Variants in NCALD observed in about 807,000 individuals in gnomAD.
NCALD encodes the protein neurocalcin-delta.
Under a neutral mutation model 18.6 loss-of-function variants are expected in NCALD, and 10 were observed. The ratio of observed to expected loss-of-function variants is 0.54; its 90% CI spans 0.33 to 0.91. NCALD has a LOEUF of 0.91. Ranked by LOEUF, NCALD falls within the 40% of genes least tolerant of loss-of-function variation. The pLI is 0.03. For missense variants in NCALD, 184 were observed against 247.6 expected (o/e 0.74, Z 1.72); for synonymous variants, 88 against 87.4 (o/e 1.01, Z -0.04).
At chr8:101,888,905 G>T (rs1317661393) in intron 3 of NCALD, among the ~76,000 whole-genome samples, 1 of 152,156 alleles carries the variant, frequency 6.6e-6, no homozygotes, top group South Asian at 2.1e-4. Flanking sequence ...GGAAGACATT[G>T]CCAGTTGCCT....
intron 1 of NCALD, among the ~76,000 whole-genome samples, chr8:102,112,505 A>G (rs2132455858): frequency 6.6e-6 from 1 of 152,380 alleles, no homozygotes; most frequent in East Asian, 1.9e-4. Flanking sequence ...GTTATCAACT[A>G]ACCAAACAAA....
At chr8:101,867,472 T>G (rs1815821628) in intron 4 of NCALD, among the ~76,000 whole-genome samples, 1 of 152,230 alleles carries the variant, frequency 6.6e-6, no homozygotes, top group African/African-American at 2.4e-5. Context: ...TCTTAGAAAT[T>G]TCTGAAGTAA....
At chr8:101,935,109 T>G (rs1458902062) in intron 2 of NCALD, among the ~76,000 whole-genome samples, 1 of 151,994 alleles carries the variant, frequency 6.6e-6, no homozygotes, top group Admixed American at 6.6e-5. Flanking sequence ...TCAGAAAAAT[T>G]TAAGACGAAG....
At chr8:102,061,785 T>C (rs954021911) in intron 1 of NCALD, among the ~76,000 whole-genome samples, 6 of 152,216 alleles carry the variant, frequency 3.9e-5, no homozygotes, top group African/African-American at 1.4e-4. Context: ...CGTGCATAAA[T>C]ATAAGCGCAT....
At chr8:101,772,660 A>G (rs1392135519) in intron 1 of NCALD, among the ~76,000 whole-genome samples, 1 of 152,182 alleles carries the variant, frequency 6.6e-6, no homozygotes, top group African/African-American at 2.4e-5. Flanking sequence ...GTCTGGTCAC[A>G]ATGCCATTTG....
At chr8:101,690,413 G>A in intron 3 of NCALD, 1 of 985,310 alleles carries the variant, frequency 1.0e-6, no homozygotes, top group African/African-American at 1.7e-5. Flanking sequence ...ATTTCCATCT[G>A]CTCCTCCAAG....
chr8:101,791,070 C>T (rs1812426979), upstream of NCALD: 1 of 152,166 alleles, frequency 6.6e-6, no homozygotes, highest in Non-Finnish European at 1.5e-5. Context: ...TCGTAGCAAC[C>T]ACAGACCGGC....
chr8:101,835,026 A>T (rs1408775549), intron 4 of NCALD, among the ~76,000 whole-genome samples: 1 of 152,230 alleles, frequency 6.6e-6, no homozygotes, highest in Non-Finnish European at 1.5e-5. Context: ...AAGGGAAGAG[A>T]TTAACTGGGT....
At chr8:101,912,956 G>A (rs1199565846) in intron 3 of NCALD, among the ~76,000 whole-genome samples, 1 of 152,234 alleles carries the variant, frequency 6.6e-6, no homozygotes, top group African/African-American at 2.4e-5. Flanking sequence ...GGAAGAAGCT[G>A]TGGGTGATTC....
rs1033197264 is a variant in NCALD, at chr8:102,030,519, C to T, written c.-209-10230G>A. Among the ~76,000 whole-genome samples, 6 of 152,144 alleles carry T rather than the reference C, an allele frequency of 3.9e-5. No individual in the cohort carries two copies. In the East Asian group the frequency reaches 5.8e-4, roughly 15 times the overall value. ...ACAGAACCAACTTATTATTTTGAAA[C>T]GTGGTCGATAAAAAGAATCAAATAT... On this transcript the variant is annotated intron_variant, in intron 1 of 6. Coordinates refer to the NCALD transcript ENST00000311028.
intron 3 of NCALD, among the ~76,000 whole-genome samples, chr8:101,900,496 A>G (rs1362780708): frequency 1.3e-5 from 2 of 152,112 alleles, no homozygotes; most frequent in East Asian, 1.9e-4. Flanking sequence ...TATTAGTGCT[A>G]TAAATTTTCC....
intron 2 of NCALD, among the ~76,000 whole-genome samples, chr8:101,992,577 T>C (rs1821087873): frequency 2.0e-5 from 3 of 152,258 alleles, no homozygotes; most frequent in Non-Finnish European, 2.9e-5. Context: ...CTGGCTAAAC[T>C]TGAGCAAAGC....
In NCALD at chr8:101,979,847, A is replaced by T. The variant is rs559839278; in HGVS notation, c.-157+40390T>A. Among the ~76,000 whole-genome samples the T allele has an allele frequency of 1.4e-3, 206 of 152,248 alleles. 2 individuals carry two copies. Among genetic ancestry groups the T allele is most frequent in the African/African-American group, 4.7e-3 (195 of 41,540 alleles). On this transcript the variant is annotated intron_variant, in intron 2 of 6. Transcript: ENST00000311028. ...CCTCGGTCATTCTGGCAACTAACCG[A>T]CTTTCCCAGCCAGTCTAGATGCCCC... is the stretch of plus-strand genomic sequence containing the variant.
chr8:101,896,051 C>A (rs1039098426), intron 3 of NCALD, among the ~76,000 whole-genome samples: 3 of 150,992 alleles, frequency 2.0e-5, no homozygotes, highest in Admixed American at 1.3e-4. Context: ...GAGCCCGCAT[C>A]GCCAAGTCAA....
chr8:101,902,067 A>C (rs544628398), intron 3 of NCALD, among the ~76,000 whole-genome samples: 160 of 152,372 alleles, frequency 1.1e-3, no homozygotes, highest in African/African-American at 3.8e-3. Context: ...CTGGGATTAC[A>C]GGCGTGAGCC....
intron 3 of NCALD, chr8:101,690,788 T>C (rs1814690943): frequency 1.0e-6 from 1 of 985,294 alleles, no homozygotes; most frequent in African/African-American, 1.7e-5. Context: ...CACATAGTAG[T>C]TACAATGGTA....
chr8:101,778,853 A>C (rs1014075301), intron 1 of NCALD, among the ~76,000 whole-genome samples: 2 of 152,184 alleles, frequency 1.3e-5, no homozygotes, highest in African/African-American at 2.4e-5. Flanking sequence ...TAAACCTTGA[A>C]TCTTTGGATT....
intron 4 of NCALD, among the ~76,000 whole-genome samples, chr8:101,830,562 A>G (rs1814136583): frequency 6.8e-6 from 1 of 146,936 alleles, no homozygotes; most frequent in Non-Finnish European, 1.5e-5. Flanking sequence ...AAAAAAAAAG[A>G]AAGAAAATGT....
chr8:101,962,010 A>T (rs1017925873), intron 2 of NCALD, among the ~76,000 whole-genome samples: 1 of 152,208 alleles, frequency 6.6e-6, no homozygotes, highest in African/African-American at 2.4e-5. Context: ...AGTCCAAGAG[A>T]CATCAGTTTA....
Sources: gnomAD v4.1 joint callset for allele counts (sites outside exome capture counted in the v4.1 genomes callset) on GRCh38, gnomAD v4.1.1 for gene constraint, MANE v1.5 for transcripts, NCBI Gene and HGNC (gene_info 2026-07-23, HGNC 2026-07-21) for gene names.